SLC4A10: variants seen among roughly 807,000 people sequenced by gnomAD.
SLC4A10 encodes sodium-driven chloride bicarbonate exchanger.
In SLC4A10, 42 loss-of-function variants were observed where a neutral mutation model predicts 137.7. That is an observed-to-expected ratio of 0.30 (90% CI 0.24 to 0.39). SLC4A10 has a LOEUF of 0.39. Among genes scored for constraint, SLC4A10 ranks in the 10% least tolerant of loss-of-function variants. The pLI is 1.00. For synonymous variants in SLC4A10, 474 were observed against 464.1 expected (o/e 1.02, Z -0.27); for missense variants, 925 against 1,355.0 (o/e 0.68, Z 4.98).
chr2:161,834,335 C>A (rs541630166), intron 3 of SLC4A10, among the ~76,000 whole-genome samples: 1 of 152,146 alleles, frequency 6.6e-6, no homozygotes, highest in Non-Finnish European at 1.5e-5. Flanking sequence ...CCTTTTCTCC[C>A]TTATTCTGAC....
At chr2:161,895,362 G>A (rs974602149) in intron 11 of SLC4A10, among the ~76,000 whole-genome samples, 22 of 152,058 alleles carry the variant, frequency 1.4e-4, no homozygotes, top group Admixed American at 3.9e-4. Context: ...GAATAGTGCC[G>A]CAATAAACAT....
intron 8 of SLC4A10, 53 bp downstream of exon 8, chr2:161,874,058 GTA>G (rs2061317052): frequency 6.7e-7 from 1 of 1,491,494 alleles, no homozygotes; most frequent in African/African-American, 1.4e-5. Context: ...TCATTTCACT[GTA>G]TGGAGGCATG....
chr2:161,702,311 A>G (rs2043206513), intron 1 of SLC4A10, among the ~76,000 whole-genome samples: 1 of 151,914 alleles, frequency 6.6e-6, no homozygotes, highest in Admixed American at 6.6e-5. Flanking sequence ...CATTTTAATT[A>G]TAGCTAAGTT....
chr2:161,690,151 T>A (rs1274716596), intron 1 of SLC4A10, among the ~76,000 whole-genome samples: 3 of 152,254 alleles, frequency 2.0e-5, no homozygotes, highest in Non-Finnish European at 1.5e-5. Flanking sequence ...AACAGACACT[T>A]CTCAAAAGAA....
chr2:161,928,521 A>G (rs537140341), intron 15 of SLC4A10, among the ~76,000 whole-genome samples: 1 of 151,600 alleles, frequency 6.6e-6, no homozygotes, highest in South Asian at 2.1e-4. Flanking sequence ...TTAAAGTATA[A>G]TAATAACAGA....
At chr2:161,909,250 T>TA (rs1229183636) in intron 15 of SLC4A10, among the ~76,000 whole-genome samples, 3 of 151,686 alleles carry the variant, frequency 2.0e-5, no homozygotes, top group Non-Finnish European at 1.5e-5. Context: ...AAATTAAATA[T>TA]ATAAAAAAAA....
chr2:161,813,385 G>T (rs2056741371), intron 3 of SLC4A10, among the ~76,000 whole-genome samples: 2 of 152,086 alleles, frequency 1.3e-5, no homozygotes, highest in Admixed American at 6.6e-5. Flanking sequence ...CAGCATAGTT[G>T]TTGGTGGCAG....
chr2:161,773,812 A>C (rs113613752), intron 2 of SLC4A10, among the ~76,000 whole-genome samples: 4,124 of 151,904 alleles, frequency 0.027, 75 homozygotes, highest in Middle Eastern at 0.051. Context: ...AAATCTGTTT[A>C]TGTATATCTT....
At chr2:161,759,578 A>G (rs565402818) in intron 1 of SLC4A10, among the ~76,000 whole-genome samples, 1 of 152,144 alleles carries the variant, frequency 6.6e-6, no homozygotes, top group South Asian at 2.1e-4. Context: ...GAGATCATAT[A>G]GTACTTGTTT....
chr2:161,877,264 A>AT (rs1204193285), intron 8 of SLC4A10, among the ~76,000 whole-genome samples: 3 of 152,090 alleles, frequency 2.0e-5, no homozygotes, highest in Non-Finnish European at 4.4e-5. Context: ...AATTTCAGGT[A>AT]TTATCAATAT....
intron 15 of SLC4A10, among the ~76,000 whole-genome samples, chr2:161,932,070 T>C (rs1690497099): frequency 6.6e-6 from 1 of 152,192 alleles, no homozygotes; most frequent in South Asian, 2.1e-4. Flanking sequence ...AGTATGAAAA[T>C]GTTTTCCCAT....
At chr2:161,631,723 A>T (rs1489887964) in intron 1 of SLC4A10, among the ~76,000 whole-genome samples, 1 of 151,748 alleles carries the variant, frequency 6.6e-6, no homozygotes, top group Non-Finnish European at 1.5e-5. Flanking sequence ...AGCAAGAATA[A>T]CACAAAAATT....
chr2:161,625,257 G>T (rs17225644), intron 1 of SLC4A10, among the ~76,000 whole-genome samples: 3,589 of 151,952 alleles, frequency 0.024, 62 homozygotes, highest in Non-Finnish European at 0.033. Flanking sequence ...TTTACCTCTG[G>T]GTTCTTAAGC....
chr2:161,836,150 CTA>C (rs1470459273), intron 3 of SLC4A10, among the ~76,000 whole-genome samples: 2 of 150,638 alleles, frequency 1.3e-5, no homozygotes, highest in Non-Finnish European at 3.0e-5. Context: ...TCTGCTGTCA[CTA>C]TATCAGAAGC....
chr2:161,803,295 A>C (rs1255857492), intron 2 of SLC4A10, among the ~76,000 whole-genome samples: 1 of 152,014 alleles, frequency 6.6e-6, no homozygotes, highest in African/African-American at 2.4e-5. Flanking sequence ...GCTGCACACA[A>C]TTTCTTCTCT....
chr2:161,700,608 A>G (rs191095131), intron 1 of SLC4A10, among the ~76,000 whole-genome samples: 1 of 152,236 alleles, frequency 6.6e-6, no homozygotes, highest in Admixed American at 6.5e-5. Context: ...CCTTATGTAT[A>G]CTGTCTTCTT....
chr2:161,825,092 A>G (rs1351981616), intron 3 of SLC4A10, among the ~76,000 whole-genome samples: 1 of 152,158 alleles, frequency 6.6e-6, no homozygotes, highest in Non-Finnish European at 1.5e-5. Flanking sequence ...TAATACACAT[A>G]ATATACACAT....
In SLC4A10 at chr2:161,961,378, G is replaced by A. The variant is rs189010535; in HGVS notation, c.2863-2757G>A. On this transcript the variant is annotated intron_variant, in intron 21 of 26. Coordinates refer to ENST00000446997, the MANE Select transcript of SLC4A10 (RefSeq NM_001178015.2). ...ATCCTGACACTGGGAAAAATGAACT[G>A]GGAGAGGGAGATGGTTGAGCCATGT... 1.2e-3 allele frequency among the ~76,000 whole-genome samples: 176 copies of A among 152,248 alleles called. 1 individual carries two copies. The highest frequency in any genetic ancestry group is 1.8e-3 in the Non-Finnish European group (120 of 68,026).
chr2:161,972,514 A>G (rs977520113), intron 23 of SLC4A10, among the ~76,000 whole-genome samples: 2 of 152,196 alleles, frequency 1.3e-5, no homozygotes, highest in Non-Finnish European at 2.9e-5. Flanking sequence ...TAGTTCTAAT[A>G]GTGTGGCCAA....
Sources: gnomAD v4.1 joint callset for allele counts (sites outside exome capture counted in the v4.1 genomes callset) on GRCh38, gnomAD v4.1.1 for gene constraint, MANE v1.5 for transcripts, NCBI Gene and HGNC (gene_info 2026-07-23, HGNC 2026-07-21) for gene names.